Variants in RABGAP1L observed in about 807,000 individuals in gnomAD.
RABGAP1L encodes the protein RAB GTPase activating protein 1 like.
A neutral mutation model predicts 137.7 loss-of-function variants in RABGAP1L; 63 were observed. The ratio of observed to expected loss-of-function variants is 0.46; its 90% CI spans 0.37 to 0.56. RABGAP1L has a LOEUF of 0.56. Ranked by LOEUF, RABGAP1L falls within the 20% of genes least tolerant of loss-of-function variation. RABGAP1L has a pLI of 0.00. For synonymous variants in RABGAP1L, 431 were observed against 433.7 expected (o/e 0.99, Z 0.08); for missense variants, 1,095 against 1,244.0 (o/e 0.88, Z 1.80).
At chr1:174,291,644 G>T (rs1018532719) in intron 10 of RABGAP1L, among the ~76,000 whole-genome samples, 4 of 152,004 alleles carry the variant, frequency 2.6e-5, no homozygotes, top group Non-Finnish European at 5.9e-5. Context: ...GTAAATATTG[G>T]ATTTATTCCA....
intron 13 of RABGAP1L, among the ~76,000 whole-genome samples, chr1:174,633,137 T>G (rs1478252193): frequency 1.3e-5 from 2 of 151,330 alleles, no homozygotes; most frequent in African/African-American, 4.9e-5. Context: ...GAAAACCCCA[T>G]CGTCTCAGCC....
chr1:174,546,142 A>G (rs1351977419), intron 13 of RABGAP1L, among the ~76,000 whole-genome samples: 1 of 152,146 alleles, frequency 6.6e-6, no homozygotes, highest in Non-Finnish European at 1.5e-5. Flanking sequence ...GAGTATTAGG[A>G]AAAAAAGTCC....
intron 15 of RABGAP1L, among the ~76,000 whole-genome samples, chr1:174,691,125 G>C (rs1010277392): frequency 1.3e-5 from 2 of 152,112 alleles, no homozygotes; most frequent in African/African-American, 4.8e-5. Flanking sequence ...ACCATGCCGG[G>C]CCCATTCATT....
intron 11 of RABGAP1L, among the ~76,000 whole-genome samples, chr1:174,312,816 G>A (rs1304310881): frequency 1.3e-5 from 2 of 152,126 alleles, no homozygotes; most frequent in Non-Finnish European, 2.9e-5. Flanking sequence ...TCTGGATATG[G>A]ATATTCAGTT....
Position 174,349,086 on chromosome 1 carries a change from C to T in RABGAP1L, c.1466-21893C>T, listed in dbSNP as rs559993151. On this transcript the variant is annotated intron_variant, in intron 11 of 25. Coordinates refer to ENST00000681986, the MANE Select transcript of RABGAP1L (RefSeq NM_001366446.1). Reference sequence around the variant, plus strand: ...CCCCCCACCTCCCTCCAAGACGGGGCGGCTGGCCGGGCGGGGGGCTGACAC... The same window carrying T: ...CCCCCCACCTCCCTCCAAGACGGGGTGGCTGGCCGGGCGGGGGGCTGACAC... Among the ~76,000 whole-genome samples, 18 of 135,936 alleles carry T rather than the reference C, an allele frequency of 1.3e-4. No individual in the cohort carries two copies. In the South Asian group the frequency reaches 2.5e-3, roughly 19 times the overall value. 89.2% of individuals were successfully genotyped at this position (135,936 alleles called of 152,430 possible).
chr1:174,902,450 G>A (rs1219937109), intron 19 of RABGAP1L, among the ~76,000 whole-genome samples: 1 of 152,188 alleles, frequency 6.6e-6, no homozygotes, highest in African/African-American at 2.4e-5. Flanking sequence ...GAACGTCGCT[G>A]CTTGACTCCC....
At chr1:174,347,344 A>G (rs1478928312) in intron 11 of RABGAP1L, among the ~76,000 whole-genome samples, 2 of 151,950 alleles carry the variant, frequency 1.3e-5, no homozygotes, top group African/African-American at 4.8e-5. Flanking sequence ...ATTGGGGCTG[A>G]TCTCTTTCTT....
chr1:174,350,136 G>T (rs1387439291), intron 11 of RABGAP1L, among the ~76,000 whole-genome samples: 33 of 134,662 alleles, frequency 2.5e-4, no homozygotes, highest in Non-Finnish European at 2.9e-4. Context: ...CGGGTGGGGG[G>T]GCTGACCCCC....
intron 13 of RABGAP1L, among the ~76,000 whole-genome samples, chr1:174,621,411 A>T (rs1166395838): frequency 1.3e-5 from 2 of 152,224 alleles, no homozygotes; most frequent in African/African-American, 4.8e-5. Context: ...TCCTAAGCCA[A>T]AAGAACAAAG....
chr1:174,769,921 G>C (rs1356065136), intron 18 of RABGAP1L, among the ~76,000 whole-genome samples: 2 of 152,196 alleles, frequency 1.3e-5, no homozygotes, highest in Non-Finnish European at 2.9e-5. Context: ...CCTAGTCTTT[G>C]ATGTACCAAC....
intron 13 of RABGAP1L, among the ~76,000 whole-genome samples, chr1:174,612,112 G>A (rs1671311089): frequency 6.6e-6 from 1 of 152,216 alleles, no homozygotes; most frequent in Non-Finnish European, 1.5e-5. Context: ...AGTGGTGAGA[G>A]AGGGCATCCC....
intron 12 of RABGAP1L, among the ~76,000 whole-genome samples, chr1:174,390,256 A>G (rs1424084338): frequency 2.0e-5 from 3 of 152,132 alleles, no homozygotes; most frequent in Non-Finnish European, 4.4e-5. Context: ...CTAAAGATAA[A>G]TAGTGCTTTG....
chr1:174,522,722 C>A (rs913440649), intron 13 of RABGAP1L, among the ~76,000 whole-genome samples: 2 of 152,124 alleles, frequency 1.3e-5, no homozygotes, highest in African/African-American at 4.8e-5. Flanking sequence ...CTCAGGAAAC[C>A]TACAATCATG....
intron 17 of RABGAP1L, among the ~76,000 whole-genome samples, chr1:174,706,572 A>C (rs1157016489): frequency 6.6e-6 from 1 of 152,164 alleles, no homozygotes; most frequent in African/African-American, 2.4e-5. Flanking sequence ...ATAACTTTTT[A>C]TTGAAGTATA....
At chr1:174,197,953 A>G (rs1667819991) in intron 1 of RABGAP1L, among the ~76,000 whole-genome samples, 1 of 152,180 alleles carries the variant, frequency 6.6e-6, no homozygotes, top group African/African-American at 2.4e-5. Context: ...GATGGACCCA[A>G]TAATTATTGG....
chr1:174,300,994 C>T (rs774832474), intron 10 of RABGAP1L, among the ~76,000 whole-genome samples: 10 of 152,136 alleles, frequency 6.6e-5, no homozygotes, highest in South Asian at 2.1e-4. Context: ...CACCCCTGTC[C>T]GGGTTTTGCT....
Position 174,761,942 on chromosome 1 carries a change from C to T in RABGAP1L, c.2211+9588C>T, listed in dbSNP as rs904986242. Among the ~76,000 whole-genome samples the T allele has an allele frequency of 1.2e-4, 18 of 151,744 alleles. No homozygotes were observed. Among genetic ancestry groups the T allele is most frequent in the African/African-American group, 3.1e-4 (13 of 41,288 alleles). ...GTATTATGGGGAAAAGGAAAAGTAC[C>T]GCAGGGTGATGGGAGTTATGGGTAG... On this transcript the variant is annotated intron_variant, in intron 18 of 25. Transcript: ENST00000681986. The surrounding 1 kb of genome is among the most constrained non-coding windows in gnomAD (Gnocchi z 4.0).
At chr1:174,219,078 G>A in intron 1 of RABGAP1L, 47 bp from the exon 2 acceptor site, 1 of 1,363,220 alleles carries the variant, frequency 7.3e-7, no homozygotes, top group South Asian at 1.4e-5. Flanking sequence ...ATTAGTTCAT[G>A]TTTTTAATCA....
chr1:174,450,506 A>G (rs540825741), intron 13 of RABGAP1L, among the ~76,000 whole-genome samples: 36 of 152,338 alleles, frequency 2.4e-4, no homozygotes, highest in Middle Eastern at 3.4e-3. Context: ...TTAGATATTT[A>G]TATTAGACAA....
Sources: gnomAD v4.1 joint callset for allele counts (sites outside exome capture counted in the v4.1 genomes callset) on GRCh38, gnomAD v4.1.1 for gene constraint, Gnocchi (gnomAD v3.1) non-coding constraint, MANE v1.5 for transcripts, NCBI Gene and HGNC (gene_info 2026-07-23, HGNC 2026-07-21) for gene names.